The following GPC5 variants were observed in gnomAD, a reference collection of about 807,000 sequenced individuals.
GPC5 encodes glypican 5.
In GPC5, 47 loss-of-function variants were observed where a neutral mutation model predicts 53.9. That is an observed-to-expected ratio of 0.87 (90% CI 0.69 to 1.11). The LOEUF (loss-of-function observed/expected upper bound fraction) is 1.11, where lower values mean the gene tolerates loss of function less well. GPC5 is among the 50% of genes most tolerant of loss of function. GPC5 has a pLI of 0.00. For synonymous variants in GPC5, 286 were observed against 263.3 expected, an observed-to-expected ratio of 1.09 and a Z score of -0.84; for missense variants, 748 against 713.1, an observed-to-expected ratio of 1.05 and a Z score of -0.56.
At chr13:91,556,465 A>G (rs2030952783) in intron 2 of GPC5, among the ~76,000 whole-genome samples, 1 of 151,842 alleles carries the variant, frequency 6.6e-6, no homozygotes, top group Non-Finnish European at 1.5e-5. Context: ...TTGCAAAAAT[A>G]TGGAACCAGC....
At chr13:91,431,952 A>G (rs1174882942) in intron 1 of GPC5, among the ~76,000 whole-genome samples, 1 of 152,200 alleles carries the variant, frequency 6.6e-6, no homozygotes, top group Non-Finnish European at 1.5e-5. Flanking sequence ...AGCAAGAGGT[A>G]ATGCTTAATT....
At chr13:92,800,927 T>C (rs1160836400) in intron 7 of GPC5, among the ~76,000 whole-genome samples, 1 of 151,826 alleles carries the variant, frequency 6.6e-6, no homozygotes, top group Non-Finnish European at 1.5e-5. Flanking sequence ...TGCTTGTATA[T>C]TGTTGTGTCA....
chr13:91,614,995 A>G (rs1173467482), intron 2 of GPC5, among the ~76,000 whole-genome samples: 1 of 152,148 alleles, frequency 6.6e-6, no homozygotes. Context: ...TCATTTATTC[A>G]TATATTTATC....
At chr13:92,671,091 T>C (rs1886733872) in intron 7 of GPC5, among the ~76,000 whole-genome samples, 1 of 151,990 alleles carries the variant, frequency 6.6e-6, no homozygotes. Flanking sequence ...AGTAAGAAAG[T>C]TGAAAAAATA....
intron 5 of GPC5, among the ~76,000 whole-genome samples, chr13:91,869,964 G>A (rs930959973): frequency 1.3e-5 from 2 of 152,208 alleles, no homozygotes; most frequent in African/African-American, 2.4e-5. Flanking sequence ...AGGTCCTTCC[G>A]CTAACACTGG....
chr13:91,572,192 C>CACATATGTATAT (rs1594274140), intron 2 of GPC5, among the ~76,000 whole-genome samples: 1 of 110,316 alleles, frequency 9.1e-6, no homozygotes, highest in African/African-American at 5.1e-5. Flanking sequence ...TGTGTATACA[C>CACATATGTATAT]ACACATATGT....
intron 7 of GPC5, among the ~76,000 whole-genome samples, chr13:92,746,122 G>A (rs1046724195): frequency 9.9e-5 from 15 of 150,754 alleles, no homozygotes; most frequent in African/African-American, 2.5e-4. Flanking sequence ...CCATCCTGTC[G>A]TCTAGTCATT....
chr13:91,546,103 C>T (rs1017325044), intron 2 of GPC5, among the ~76,000 whole-genome samples: 16 of 152,122 alleles, frequency 1.1e-4, no homozygotes, highest in African/African-American at 3.9e-4. Flanking sequence ...CCAATGTGAG[C>T]ATTGTTCTTG....
intron 7 of GPC5, among the ~76,000 whole-genome samples, chr13:92,646,457 C>T (rs1885773522): frequency 6.6e-6 from 1 of 152,026 alleles, no homozygotes; most frequent in South Asian, 2.1e-4. Flanking sequence ...CATATGAATC[C>T]TCCACGTTTG....
intron 4 of GPC5, among the ~76,000 whole-genome samples, chr13:91,749,211 A>C (rs547131498): frequency 6.6e-6 from 1 of 152,160 alleles, no homozygotes; most frequent in East Asian, 1.9e-4. Context: ...TCCAGTGTCT[A>C]TTATTCCACT....
At chr13:91,515,764 A>G (rs1345932323) in intron 2 of GPC5, among the ~76,000 whole-genome samples, 1 of 67,984 alleles carries the variant, frequency 1.5e-5, no homozygotes, top group Non-Finnish European at 4.0e-5. Context: ...ACTTTTAAAC[A>G]GCACTGACCA....
intron 7 of GPC5, among the ~76,000 whole-genome samples, chr13:92,426,949 A>G (rs1876863107): frequency 6.6e-6 from 1 of 152,066 alleles, no homozygotes; most frequent in Non-Finnish European, 1.5e-5. Context: ...TTGAGCCATC[A>G]GTTTCTATAA....
At chr13:91,910,370 T>C (rs572128355) in intron 6 of GPC5, among the ~76,000 whole-genome samples, 2 of 152,150 alleles carry the variant, frequency 1.3e-5, no homozygotes, top group East Asian at 3.9e-4. Context: ...AATTTAGGAG[T>C]AGGGCCATGG....
chr13:91,681,527 C>A (rs879698109), intron 2 of GPC5, among the ~76,000 whole-genome samples: 40 of 152,206 alleles, frequency 2.6e-4, no homozygotes, highest in Non-Finnish European at 5.0e-4. Context: ...TAACCTAAAT[C>A]TTTTCCCTGA....
At chr13:91,975,852 C>A (rs952158266) in intron 6 of GPC5, among the ~76,000 whole-genome samples, 2 of 152,142 alleles carry the variant, frequency 1.3e-5, no homozygotes, top group Non-Finnish European at 2.9e-5. Context: ...TTCACACTAG[C>A]AAAGACTTGG....
At chr13:92,248,535 A>G (rs942287710) in intron 7 of GPC5, among the ~76,000 whole-genome samples, 3 of 152,154 alleles carry the variant, frequency 2.0e-5, no homozygotes, top group African/African-American at 7.2e-5. Context: ...TGCTACTCTT[A>G]CATTGGGTTG....
At chr13:92,567,982 A>G (rs775860708) in intron 7 of GPC5, among the ~76,000 whole-genome samples, 27 of 152,302 alleles carry the variant, frequency 1.8e-4, no homozygotes, top group Non-Finnish European at 2.9e-4. Context: ...AGAAATATTC[A>G]GGTTATTGGC....
intron 7 of GPC5, among the ~76,000 whole-genome samples, chr13:92,344,160 A>G (rs1407279938): frequency 2.6e-5 from 4 of 152,138 alleles, no homozygotes; most frequent in African/African-American, 4.8e-5. Flanking sequence ...TGACTGGGAA[A>G]GCCTCAGGAA....
At chr13:92,796,582 T>G (rs890800335) in intron 7 of GPC5, among the ~76,000 whole-genome samples, 1 of 151,916 alleles carries the variant, frequency 6.6e-6, no homozygotes, top group African/African-American at 2.4e-5. Flanking sequence ...ATTACCAATC[T>G]TAGGGTAGGA....
Sources: allele counts gnomAD v4.1 joint callset (sites outside exome capture counted in the v4.1 genomes callset), GRCh38; gene constraint gnomAD v4.1.1; transcripts MANE v1.5; gene names NCBI Gene and HGNC (gene_info 2026-07-23, HGNC 2026-07-21).